Variants in MYO18B observed in about 807,000 individuals in gnomAD.
MYO18B encodes myosin XVIIIB.
A neutral mutation model predicts 273.0 loss-of-function variants in MYO18B; 204 were observed. The observed-to-expected ratio is 0.75, with a 90% confidence interval of 0.67 to 0.84. MYO18B has a LOEUF of 0.84. MYO18B is among the 40% of genes least tolerant of loss of function. The pLI, the probability that MYO18B is intolerant of heterozygous loss-of-function variation, is 0.00. For synonymous variants in MYO18B, 1,330 were observed against 1,305.7 expected, an observed-to-expected ratio of 1.02 and a Z score of -0.40; for missense variants, 3,212 against 3,287.6, an observed-to-expected ratio of 0.98 and a Z score of 0.56.
chr22:26,037,307 C>G, the MYO18B span, among the ~76,000 whole-genome samples: 2 of 152,114 alleles, frequency 1.3e-5, no homozygotes, highest in Admixed American at 6.5e-5. Flanking sequence ...AGAGGAGACC[C>G]TATCTTTAGA....
intron 42 of MYO18B, among the ~76,000 whole-genome samples, chr22:26,010,007 C>T (rs1934760036): frequency 6.6e-6 from 1 of 152,152 alleles, no homozygotes; most frequent in African/African-American, 2.4e-5. Context: ...TCATCCTGCC[C>T]CACCAGCCCT....
rs10600754 is a variant in MYO18B at position 25,950,345 on chromosome 22, ATT to A, written c.5749-12_5749-11del. ...TGTGGACTCAGGGTGATATATATAC[ATT>A]TTTTTTTTTGTCTCACCAGTCTGCT... On this transcript the variant is annotated intron_variant, in intron 36 of 43. Coordinates refer to ENST00000335473, the MANE Select transcript of MYO18B (RefSeq NM_032608.7). 4.7e-3 allele frequency: 6,465 copies of A among 1,379,356 alleles called. 40 individuals are homozygous for A. The highest frequency in any genetic ancestry group is 0.036 in the African/African-American group (2,492 of 69,268). The allele number at this position is 1,379,356 out of a possible 1,614,324, so 85.4% of individuals were successfully genotyped here.
chr22:25,921,856 G>GTGC, intron 34 of MYO18B, among the ~76,000 whole-genome samples: 3 of 141,256 alleles, frequency 2.1e-5, no homozygotes, highest in African/African-American at 8.4e-5. Flanking sequence ...GTGTGTGTGT[G>GTGC]GTGACTGCCA....
At chr22:25,843,275 C>T (rs757758983) in intron 17 of MYO18B, among the ~76,000 whole-genome samples, 5 of 152,098 alleles carry the variant, frequency 3.3e-5, no homozygotes, top group South Asian at 2.1e-4. Context: ...AATGATTTTA[C>T]GCGGCATAAA....
intron 12 of MYO18B, among the ~76,000 whole-genome samples, chr22:25,804,878 G>A (rs1057146551): frequency 1.3e-5 from 2 of 152,192 alleles, no homozygotes; most frequent in Admixed American, 6.5e-5. Context: ...ATGGAAGACC[G>A]TGGGCATCAC....
At chr22:25,924,568 G>A (rs1034867014) in intron 34 of MYO18B, among the ~76,000 whole-genome samples, 38 of 152,312 alleles carry the variant, frequency 2.5e-4, no homozygotes, top group Non-Finnish European at 4.4e-4. Flanking sequence ...CTGCAGGGGC[G>A]TCCTGTTTAG....
At chr22:25,814,294 C>CTTTTTTTTTTTTTTTTTTTTT (rs398036691) in intron 12 of MYO18B, among the ~76,000 whole-genome samples, 5 of 59,496 alleles carry the variant, frequency 8.4e-5, no homozygotes, top group Non-Finnish European at 1.3e-4. Context: ...AGGCACCGTT[C>CTTTTTTTTTTTTTTTTTTTTT]TTTTTTTTTT....
intron 39 of MYO18B, among the ~76,000 whole-genome samples, chr22:25,991,641 C>T (rs773382766): frequency 1.4e-4 from 21 of 152,150 alleles, no homozygotes; most frequent in Admixed American, 3.9e-4. Flanking sequence ...TCAGAGGCAC[C>T]GAGCTTGAGT....
chr22:25,791,326 T>C (rs2087650726), intron 11 of MYO18B, among the ~76,000 whole-genome samples: 1 of 152,212 alleles, frequency 6.6e-6, no homozygotes, highest in South Asian at 2.1e-4. Context: ...ACTGAGCACC[T>C]GATGCAAAGG....
Position 25,932,957 on chromosome 22 carries a change from C to CT in MYO18B, c.5517+11553dup, listed in dbSNP as rs144645674. Among the ~76,000 whole-genome samples the CT allele has an allele frequency of 8.5e-4, 129 of 152,130 alleles. 1 individual carries two copies. Among genetic ancestry groups the CT allele is most frequent in the African/African-American group, 2.8e-3 (118 of 41,508 alleles). On this transcript the variant is annotated intron_variant, in intron 34 of 43. Coordinates refer to ENST00000335473, the MANE Select transcript of MYO18B (RefSeq NM_032608.7). ...TCTGACCCCTGATTTTATCTGCTGT[C>CT]TTTTTAAATTTTGCCAATTACCCCC...
At chr22:25,988,929 A>C (rs1196994694) in intron 39 of MYO18B, among the ~76,000 whole-genome samples, 2 of 152,198 alleles carry the variant, frequency 1.3e-5, no homozygotes, top group Non-Finnish European at 2.9e-5. Context: ...GCTCGGCTCC[A>C]GAGCCTACTT....
chr22:25,788,860 G>T (rs1055756959), intron 11 of MYO18B, among the ~76,000 whole-genome samples: 1 of 152,128 alleles, frequency 6.6e-6, no homozygotes, highest in Non-Finnish European at 1.5e-5. Context: ...CAGTACCAGC[G>T]GTTAAGCTGG....
intron 9 of MYO18B, among the ~76,000 whole-genome samples, chr22:25,781,527 G>A (rs1013729587): frequency 2.6e-5 from 4 of 150,990 alleles, no homozygotes; most frequent in African/African-American, 7.3e-5. Flanking sequence ...GGAGAATAGC[G>A]TGAAGCTGGG....
intron 12 of MYO18B, among the ~76,000 whole-genome samples, chr22:25,813,935 T>TA (rs1266313180): frequency 1.3e-5 from 2 of 152,242 alleles, no homozygotes; most frequent in Non-Finnish European, 2.9e-5. Context: ...ACCTGACAGC[T>TA]ACTGCAACCA....
In MYO18B at chr22:25,992,432, C is replaced by T. The variant is rs147898739; in HGVS notation, c.6226C>T (p.Arg2076Trp). 5.4e-3 allele frequency: 8,731 copies of T among 1,613,978 alleles called. 44 individuals carry two copies. The highest frequency in any genetic ancestry group is 6.0e-3 in the Non-Finnish European group (7,134 of 1,179,880). Residue 2076 changes from arginine to tryptophan, a missense_variant, in exon 40 of 44, where the codon CGG (arginine) becomes TGG (tryptophan). Transcript: ENST00000335473. ...LQTDLETSIR[R>W]IADLQAALEE... ...GACAGACCTGGAGACATCCATTCGG[C>T]GGATTGCCGACCTGCAGGCTGCCTT... is the stretch of plus-strand genomic sequence containing the variant.
chr22:25,905,038 T>C (rs552555935), intron 31 of MYO18B, among the ~76,000 whole-genome samples: 1 of 150,876 alleles, frequency 6.6e-6, no homozygotes, highest in Admixed American at 6.6e-5. Context: ...AAGGCAATTA[T>C]TTTAAAGTGT....
intron 21 of MYO18B, among the ~76,000 whole-genome samples, chr22:25,859,930 A>G (rs2090682235): frequency 1.3e-5 from 2 of 152,118 alleles, no homozygotes; most frequent in Admixed American, 1.3e-4. Context: ...TTACAGAGAT[A>G]TTCTCCCATT....
chr22:25,794,627 C>T (rs1405981350), intron 11 of MYO18B, among the ~76,000 whole-genome samples: 2 of 152,100 alleles, frequency 1.3e-5, no homozygotes, highest in African/African-American at 4.8e-5. Context: ...GCCTCAGCCT[C>T]CCGAGTAGCT....
At chr22:25,910,862 CGCCTTCTGAGGGTCCTT>C in intron 32 of MYO18B, 67 bp from the exon 33 acceptor site, 2 of 1,083,748 alleles carry the variant, frequency 1.8e-6, no homozygotes, top group Non-Finnish European at 2.8e-6. Flanking sequence ...TACATTCCTC[CGCCTTCTGAGGGTCCTT>C]GCCTTGTAGG....
Sources: allele counts gnomAD v4.1 joint callset (sites outside exome capture counted in the v4.1 genomes callset), GRCh38; gene constraint gnomAD v4.1.1; transcripts MANE v1.5; gene names NCBI Gene and HGNC (gene_info 2026-07-23, HGNC 2026-07-21).